The following TAF11L11 variants were observed in gnomAD, a reference collection of about 807,000 sequenced individuals.
TAF11L11 encodes the protein TATA-box-binding protein-associated factor 11-like protein 11.
chr5:17,605,561 G>A (rs1363424910), downstream of TAF11L11, among the ~76,000 whole-genome samples: 1 of 151,390 alleles, frequency 6.6e-6, no homozygotes, highest in African/African-American at 2.4e-5. Context: ...TTTCATAGGA[G>A]CCTTGGCTAA....
At chr5:17,605,144 A>G (rs1739140776) in exon 1 of TAF11L11, 2 of 395,408 alleles carry the variant, frequency 5.1e-6, no homozygotes, top group South Asian at 1.3e-4. Context: ...AAAAGCACGC[A>G]TTGCAGCTCT....
exon 1 of TAF11L11, chr5:17,604,796 C>A: frequency 2.6e-6 from 1 of 386,532 alleles, no homozygotes; most frequent in Non-Finnish European, 4.6e-6. Context: ...GACAGGCAGG[C>A]AAAGAGATGC....
chr5:17,604,636 T>G (rs1739127532), exon 1 of TAF11L11: 1 of 335,288 alleles, frequency 3.0e-6, no homozygotes, highest in African/African-American at 2.1e-5. Context: ...CAGGGGGCTG[T>G]GTCCAGTTAT....
At chr5:17,605,112 T>C (rs1021545266) in exon 1 of TAF11L11, 3 of 394,888 alleles carry the variant, frequency 7.6e-6, no homozygotes, top group African/African-American at 6.2e-5. Context: ...CGCTACGAAG[T>C]GTGTCGCCGG....
chr5:17,605,524 C>T (rs1391559452), downstream of TAF11L11: 1 of 383,896 alleles, frequency 2.6e-6, no homozygotes, highest in Admixed American at 4.5e-5. Context: ...GTGAAGTTGA[C>T]CTTACCTAGG....
At chr5:17,604,401 C>G (rs141342690) in exon 1 of TAF11L11, 1 of 161,130 alleles carries the variant, frequency 6.2e-6, no homozygotes, top group Admixed American at 6.4e-5. Flanking sequence ...GACGACCACA[C>G]AGCCAGACCC....
chr5:17,605,508 G>C, downstream of TAF11L11: 2 of 384,360 alleles, frequency 5.2e-6, no homozygotes, highest in East Asian at 3.6e-5. Flanking sequence ...CTTAGTGTCT[G>C]AAACTGTGAA....
exon 1 of TAF11L11, chr5:17,604,726 A>G (rs1739130258): frequency 2.7e-6 from 1 of 375,316 alleles, no homozygotes; most frequent in African/African-American, 2.1e-5. Context: ...GAACCACCCC[A>G]GCCAGAACTT....
exon 1 of TAF11L11, chr5:17,604,945 A>T (rs1160138220): frequency 5.1e-6 from 2 of 392,502 alleles, no homozygotes; most frequent in African/African-American, 4.2e-5. Flanking sequence ...TGGACCTCAC[A>T]GAAGGTGACA....
At position 17,605,319 on chromosome 5, in the gene TAF11L11, G is replaced by C. The variant is rs1276986165; in HGVS notation, c.539G>C (p.Arg180Pro). 19 of 394,032 alleles carry C rather than the reference G, an allele frequency of 4.8e-5. 1 individual carries two copies. Among genetic ancestry groups the C allele is most frequent in the Non-Finnish European group, 7.6e-5 (17 of 223,198 alleles). The allele number at this position is 394,032 out of a possible 1,614,324, so 24.4% of individuals were successfully genotyped here. A position where few individuals can be genotyped will look rare whatever the true frequency, so the allele number is the denominator to read the frequency against. The change falls in exon 1 of 1, where the codon CGC becomes CCC. Residue 180 changes from arginine to proline, a missense_variant. By Grantham distance (103) the Arg-to-Pro change is moderately radical. Coordinates refer to ENST00000510838, the Ensembl canonical transcript of TAF11L11. ...CCCAAGCATTTACGGGAGGCTGTTC[G>C]CAGGTTAAAGCCCAAGGGCATCCTC...
At chr5:17,605,518 A>G, downstream of TAF11L11, 1 of 384,246 alleles carries the variant, frequency 2.6e-6, no homozygotes, top group Admixed American at 4.5e-5. Flanking sequence ...GAAACTGTGA[A>G]GTTGACCTTA....
chr5:17,605,071 G>A, exon 1 of TAF11L11: 1 of 394,532 alleles, frequency 2.5e-6, no homozygotes, highest in Non-Finnish European at 4.5e-6. Flanking sequence ...TGACAACCCT[G>A]TTTTCTGCCA....
At chr5:17,605,096 C>T in exon 1 of TAF11L11, 2 of 394,764 alleles carry the variant, frequency 5.1e-6, no homozygotes, top group Non-Finnish European at 8.9e-6. Flanking sequence ...TGAGGAGCAG[C>T]TATCTCGCTA....
chr5:17,604,621 G>A (rs1185302305), exon 1 of TAF11L11: 6 of 324,002 alleles, frequency 1.9e-5, no homozygotes, highest in Non-Finnish European at 3.3e-5. Context: ...TGTGGGAAGG[G>A]GAGGCAGGGG....
chr5:17,604,619 G>T, exon 1 of TAF11L11: 1 of 322,382 alleles, frequency 3.1e-6, no homozygotes, highest in Non-Finnish European at 5.6e-6. Context: ...TGTGTGGGAA[G>T]GGGAGGCAGG....
chr5:17,605,495 G>C (rs74203018), downstream of TAF11L11: 3 of 385,904 alleles, frequency 7.8e-6, no homozygotes, highest in Non-Finnish European at 9.1e-6. Flanking sequence ...ATTTACCCAC[G>C]ATCTTAGTGT....
chr5:17,605,262 G>A, exon 1 of TAF11L11: 1 of 395,182 alleles, frequency 2.5e-6, no homozygotes, highest in African/African-American at 2.1e-5. Flanking sequence ...CTGGACGTGT[G>A]CGAAATGTGG....
chr5:17,604,764 A>G (rs772962620), exon 1 of TAF11L11: 6 of 383,216 alleles, frequency 1.6e-5, no homozygotes, highest in Admixed American at 9.0e-5. Flanking sequence ...GTCACGGAGC[A>G]GACTGGAATC....
exon 1 of TAF11L11, chr5:17,605,142 G>A (rs1412174673): frequency 4.0e-5 from 16 of 395,454 alleles, no homozygotes; most frequent in Non-Finnish European, 6.2e-5. Context: ...CCAAAAGCAC[G>A]CATTGCAGCT....
Sources: gnomAD v4.1 joint callset for allele counts (sites outside exome capture counted in the v4.1 genomes callset) on GRCh38, gnomAD v4.1.1 for gene constraint, MANE v1.5 for transcripts, NCBI Gene and HGNC (gene_info 2026-07-23, HGNC 2026-07-21) for gene names.